The following EFHC1 variants were observed in gnomAD, a reference collection of about 807,000 sequenced individuals.
EFHC1 encodes the protein EF-hand domain containing 1, also known as EF-hand domain-containing protein 1.
A neutral mutation model predicts 69.9 loss-of-function variants in EFHC1; 53 were observed. The observed-to-expected ratio is 0.76, with a 90% CI of 0.61 to 0.95. The LOEUF is 0.95. EFHC1 is among the 40% of genes least tolerant of loss of function. The pLI, the probability that EFHC1 is intolerant of heterozygous loss-of-function variation, is 0.00. For synonymous variants in EFHC1, 256 were observed against 278.4 expected (o/e 0.92, Z 0.80); for missense variants, 739 against 798.7 (o/e 0.93, Z 0.90).
In EFHC1 at chr6:52,469,324, T is replaced by C; in HGVS notation, c.1138-9T>C. The C allele has an allele frequency of 6.2e-7, 1 of 1,613,968 alleles. No individual in the cohort carries two copies. Among genetic ancestry groups the C allele is most frequent in the Non-Finnish European group, 8.5e-7 (1 of 1,179,888 alleles). On this transcript the variant is annotated splice_polypyrimidine_tract_variant and intron_variant, in intron 6 of 10. Coordinates refer to ENST00000371068, the MANE Select transcript of EFHC1 (RefSeq NM_018100.4). The stretch of plus-strand genomic sequence containing the variant: ...TCTGCCTTACTTCTTGCTTCCTATG[T>C]ATCTCCAGGAGTTGCCTCCTTATAA...
intron 5 of EFHC1, among the ~76,000 whole-genome samples, chr6:52,459,935 A>G (rs60675996): frequency 0.075 from 11,391 of 152,204 alleles, 882 homozygotes; most frequent in African/African-American, 0.19. Context: ...CGGCCTCCCA[A>G]AGTAATCTGA....
At chr6:52,491,905 C>A (rs1473693382) in intron 10 of EFHC1, among the ~76,000 whole-genome samples, 1 of 152,200 alleles carries the variant, frequency 6.6e-6, no homozygotes, top group Non-Finnish European at 1.5e-5. Context: ...CTGCCTTCAG[C>A]GTTCCTTCTG....
At chr6:52,449,060 C>T (rs1764855697) in intron 3 of EFHC1, among the ~76,000 whole-genome samples, 1 of 152,162 alleles carries the variant, frequency 6.6e-6, no homozygotes, top group African/African-American at 2.4e-5. Context: ...CCCTCCTCCT[C>T]AACTTTTTGG....
At chr6:52,451,380 C>T (rs903475964) in intron 3 of EFHC1, among the ~76,000 whole-genome samples, 3 of 152,126 alleles carry the variant, frequency 2.0e-5, no homozygotes, top group African/African-American at 7.2e-5. Context: ...TCTTATTTCT[C>T]CTTTGCTAAG....
chr6:52,431,995 GTCTGAT>G (rs1764425694), intron 2 of EFHC1, among the ~76,000 whole-genome samples: 2 of 151,908 alleles, frequency 1.3e-5, no homozygotes, highest in South Asian at 4.2e-4. Flanking sequence ...AGTTTGTTTT[GTCTGAT>G]ACAAGAATAG....
chr6:52,471,846 C>T (rs928408201), intron 7 of EFHC1, among the ~76,000 whole-genome samples: 11 of 150,948 alleles, frequency 7.3e-5, no homozygotes, highest in Admixed American at 1.3e-4. Context: ...CCAGCCTGGG[C>T]GACAGAGCAA....
intron 2 of EFHC1, among the ~76,000 whole-genome samples, chr6:52,425,531 A>G (rs1296504031): frequency 6.6e-6 from 1 of 152,096 alleles, no homozygotes; most frequent in Admixed American, 6.5e-5. Context: ...TTTGTTTTCT[A>G]TGTTATTTTA....
chr6:52,467,410 A>G (rs1439080545), intron 6 of EFHC1, among the ~76,000 whole-genome samples: 1 of 152,020 alleles, frequency 6.6e-6, no homozygotes, highest in Non-Finnish European at 1.5e-5. Flanking sequence ...GGAACTCCCT[A>G]CCTCAGGTGA....
In EFHC1 at chr6:52,495,618, C is replaced by G. The variant is rs1766036505; in HGVS notation, c.*3277C>G. The G allele has an allele frequency of 2.2e-6, 1 of 453,014 alleles. No homozygotes were observed. Among genetic ancestry groups the G allele is most frequent in the African/African-American group, 2.0e-5 (1 of 49,910 alleles). The allele number at this position is 453,014 out of a possible 1,614,324, so 28.1% of individuals were successfully genotyped here. Reference sequence around the variant, plus strand: ...TGTGTTTGTTTTTTAGAGACAGGGTCTTACTCTGTTGCCAGACTGGAATGC... The same window carrying G: ...TGTGTTTGTTTTTTAGAGACAGGGTGTTACTCTGTTGCCAGACTGGAATGC... On this transcript the variant is annotated 3_prime_UTR_variant, in exon 11 of 11. Transcript: ENST00000371068.
intron 6 of EFHC1, chr6:52,469,091 C>T (rs897136462): frequency 1.9e-6 from 1 of 514,860 alleles, no homozygotes; most frequent in African/African-American, 1.9e-5. Context: ...AATAGTTTCT[C>T]TGTAGCCCTG....
In EFHC1 at chr6:52,494,466, C is replaced by T. The variant is rs766768719; in HGVS notation, c.*2125C>T. ...CATGTAGGCTCTGGGAAAGGTTAAG[C>T]GGGTAGAAACCAGAGAAAAAGGGCA... is the stretch of plus-strand genomic sequence containing the variant. On this transcript the variant is annotated 3_prime_UTR_variant, in exon 11 of 11. Transcript: ENST00000371068. 16 of 453,950 alleles carry T rather than the reference C, an allele frequency of 3.5e-5. No homozygotes were observed. Among genetic ancestry groups the T allele is most frequent in the East Asian group, 6.9e-5 (1 of 14,412 alleles). The allele number at this position is 453,950 out of a possible 1,614,324, so 28.1% of individuals were successfully genotyped here.
intron 3 of EFHC1, among the ~76,000 whole-genome samples, chr6:52,448,548 G>A (rs531257): frequency 0.99 from 151,417 of 152,314 alleles, 75,267 homozygotes; most frequent in East Asian, 1. Flanking sequence ...GCCCTGCTCC[G>A]TGGGCTGCAC....
Position 52,454,212 on chromosome 6 carries a change from C to T in EFHC1, c.841C>T (p.Arg281Trp), listed in dbSNP as rs1172185919. Reference protein sequence around the residue: ...DTVEIREVHERNDGRDPFPLL... With the variant: ...DTVEIREVHEWNDGRDPFPLL... ...GGTGGAAATTCGAGAGGTCCACGAA[C>T]GGAATGATGGGAGAGATCCTTTCCC... The change falls in exon 5 of 11, where the codon CGG (arginine) becomes TGG (tryptophan). Residue 281 changes from arginine (R) to tryptophan (W), a missense_variant. Transcript: ENST00000371068. The T allele has an allele frequency of 1.7e-5, 27 of 1,613,974 alleles. No homozygotes were observed. The highest frequency in any genetic ancestry group is 5.3e-5 in the African/African-American group (4 of 74,896).
intron 6 of EFHC1, among the ~76,000 whole-genome samples, chr6:52,467,193 T>A (rs956812423): frequency 2.6e-5 from 4 of 151,744 alleles, no homozygotes; most frequent in African/African-American, 7.3e-5. Context: ...TTTTTTTTTT[T>A]TTTTTTAAGA....
chr6:52,450,454 A>C lies in EFHC1; in HGVS notation c.574-2234A>C, dbSNP rs139930605. Among the ~76,000 whole-genome samples, 523 of 152,294 alleles carry C rather than the reference A, an allele frequency of 3.4e-3. 3 individuals carry two copies. The highest frequency in any genetic ancestry group is 5.4e-3 in the South Asian group (26 of 4,828). On this transcript the variant is annotated intron_variant, in intron 3 of 10. Coordinates refer to ENST00000371068, the MANE Select transcript of EFHC1 (RefSeq NM_018100.4). ...TGGGAGTCCAAGTCTCATTGTAGATATCTAAGAACTTGCTTTATGAATCTG... is the reference window on the plus strand; with the variant it reads ...TGGGAGTCCAAGTCTCATTGTAGATCTCTAAGAACTTGCTTTATGAATCTG...
intron 2 of EFHC1, among the ~76,000 whole-genome samples, chr6:52,436,086 T>C (rs1764526844): frequency 6.6e-6 from 1 of 152,230 alleles, no homozygotes. Context: ...TAACATTTTA[T>C]GTATTTATAA....
rs551728105 is a variant in EFHC1 at position 52,493,621 on chromosome 6, C to T, written c.*1280C>T. 2 of 451,716 alleles carry T rather than the reference C, an allele frequency of 4.4e-6. No homozygotes were observed. The highest frequency in any genetic ancestry group is 8.8e-6 in the Non-Finnish European group (2 of 226,362). 28.0% of individuals were successfully genotyped at this position (451,716 alleles called of 1,614,324 possible). On this transcript the variant is annotated 3_prime_UTR_variant, in exon 11 of 11. Transcript: ENST00000371068. ...GAGCCAAGACCACGCCACTGCACTC[C>T]ATCCAGCCTGGGTGACAGAGCAAGA... is the stretch of plus-strand genomic sequence containing the variant.
chr6:52,488,806 T>G (rs1211203016), intron 9 of EFHC1: 2 of 152,232 alleles, frequency 1.3e-5, no homozygotes, highest in Non-Finnish European at 2.9e-5. Context: ...ATACATACTT[T>G]TATGTCTTGA....
rs184255504 is a variant in EFHC1 at position 52,480,169 on chromosome 6, A to G, written c.1640+382A>G. 2.3e-5 allele frequency: 9 copies of G among 397,746 alleles called. No individual in the cohort carries two copies. In the East Asian group the frequency reaches 4.5e-4, roughly 20 times the overall value. The allele number at this position is 397,746 out of a possible 1,614,324, so 24.6% of individuals were successfully genotyped here. On this transcript the variant is annotated intron_variant, in intron 9 of 10. Coordinates refer to ENST00000371068, the MANE Select transcript of EFHC1 (RefSeq NM_018100.4). ...TTCTGTCATGTGTATTGCATCCTGT[A>G]TTCTTACAATACGGTAAGCTAGAGA...
Sources: gnomAD v4.1 joint callset for allele counts (sites outside exome capture counted in the v4.1 genomes callset) on GRCh38, gnomAD v4.1.1 for gene constraint, MANE v1.5 for transcripts, NCBI Gene and HGNC (gene_info 2026-07-23, HGNC 2026-07-21) for gene names.